ZBTB49: variants seen among roughly 807,000 people sequenced by gnomAD.
ZBTB49 encodes the protein zinc finger and BTB domain containing 49, also known as zinc finger and BTB domain-containing protein 49.
A neutral mutation model predicts 57.5 loss-of-function variants in ZBTB49; 43 were observed. That is an observed-to-expected ratio of 0.75 (90% CI 0.59 to 0.97). ZBTB49 has a LOEUF of 0.97. Among genes scored for constraint, ZBTB49 ranks in the 50% least tolerant of loss-of-function variants. ZBTB49 has a pLI of 0.00. For synonymous variants in ZBTB49, 369 were observed against 362.1 expected (o/e 1.02, Z -0.22); for missense variants, 938 against 947.7 (o/e 0.99, Z 0.13).
At chr4:4,303,170 G>A in intron 3 of ZBTB49, 79 bp downstream of exon 3, 2 of 1,430,728 alleles carry the variant, frequency 1.4e-6, no homozygotes, top group Admixed American at 2.6e-5. Flanking sequence ...TCTTGTTTTT[G>A]TAAGAAGTTT....
chr4:4,298,790 C>G (rs1720335524), intron 1 of ZBTB49, among the ~76,000 whole-genome samples: 1 of 152,178 alleles, frequency 6.6e-6, no homozygotes, highest in Admixed American at 6.5e-5. Context: ...AACTATTTCT[C>G]TTCCATAAAT....
intron 1 of ZBTB49, 26 bp from the exon 2 acceptor site, chr4:4,299,901 G>A (rs749108756): frequency 6.2e-7 from 1 of 1,607,160 alleles, no homozygotes; most frequent in Admixed American, 1.7e-5. Flanking sequence ...AAGAATATCT[G>A]TCGTATCTGT....
chr4:4,299,804 TGTGTGTGAGAGA>T lies in ZBTB49; in HGVS notation c.-19-121_-19-110del, dbSNP rs1413813108. The T allele has an allele frequency of 8.2e-5, 61 of 743,530 alleles. 1 individual carries two copies. The highest frequency in any genetic ancestry group is 8.0e-4 in the East Asian group (29 of 36,336). 46.1% of individuals were successfully genotyped at this position (743,530 alleles called of 1,614,324 possible). ...GTGTGTGTGTGTGTGTGTGTGTGTGTGTGTGTGAGAGAGAAACTGTGATGAGAGAGTGAAGCA... is the reference window on the plus strand; with the variant it reads ...GTGTGTGTGTGTGTGTGTGTGTGTGTGAAACTGTGATGAGAGAGTGAAGCA... On this transcript the variant is annotated intron_variant, in intron 1 of 7. Transcript: ENST00000337872.
chr4:4,297,923 C>T (rs1220567796), intron 1 of ZBTB49, among the ~76,000 whole-genome samples: 4 of 152,174 alleles, frequency 2.6e-5, no homozygotes, highest in Non-Finnish European at 4.4e-5. Flanking sequence ...ATCTGCAGTC[C>T]GCCTGCTCAG....
At chr4:4,308,045 A>G (rs1328304541) in intron 4 of ZBTB49, among the ~76,000 whole-genome samples, 1 of 152,082 alleles carries the variant, frequency 6.6e-6, no homozygotes, top group African/African-American at 2.4e-5. Context: ...TGATTCTGTG[A>G]TTTGGAGTGG....
At chr4:4,316,307 G>A (rs1207267434) in intron 7 of ZBTB49, among the ~76,000 whole-genome samples, 1 of 152,196 alleles carries the variant, frequency 6.6e-6, no homozygotes, top group Non-Finnish European at 1.5e-5. Context: ...GAGAGCAGCG[G>A]TCCCGCCAGA....
intron 3 of ZBTB49, among the ~76,000 whole-genome samples, chr4:4,303,760 CTGTGTGTG>C (rs1553805028): frequency 6.6e-5 from 8 of 121,410 alleles, no homozygotes; most frequent in African/African-American, 2.0e-4. Context: ...CTCTCTCTCT[CTGTGTGTG>C]TGTCTCTCTC....
intron 3 of ZBTB49, among the ~76,000 whole-genome samples, chr4:4,304,884 T>C (rs1720670386): frequency 6.6e-6 from 1 of 152,156 alleles, no homozygotes; most frequent in Non-Finnish European, 1.5e-5. Flanking sequence ...ATTTCCAGTA[T>C]GGTAGATATC....
chr4:4,292,422 G>A (rs1338291695), intron 1 of ZBTB49, among the ~76,000 whole-genome samples: 1 of 152,238 alleles, frequency 6.6e-6, no homozygotes, highest in Non-Finnish European at 1.5e-5. Flanking sequence ...TGGGCATTGT[G>A]TAAAGTTAAG....
intron 3 of ZBTB49, among the ~76,000 whole-genome samples, chr4:4,304,345 C>T (rs1720648763): frequency 1.3e-5 from 2 of 151,880 alleles, no homozygotes; most frequent in Non-Finnish European, 2.9e-5. Flanking sequence ...CCTGCCTGAG[C>T]CTCCCGAGTA....
intron 1 of ZBTB49, among the ~76,000 whole-genome samples, 147 bp from the exon 2 acceptor site, chr4:4,299,775 AGGTGT>A (rs1560106224): frequency 3.3e-5 from 4 of 119,454 alleles, no homozygotes; most frequent in Middle Eastern, 3.8e-3. Flanking sequence ...TCAGAAACAG[AGGTGT>A]GTGTGTGTGT....
intron 5 of ZBTB49, among the ~76,000 whole-genome samples, chr4:4,314,479 C>T (rs1307562929): frequency 6.6e-6 from 1 of 152,234 alleles, no homozygotes; most frequent in African/African-American, 2.4e-5. Context: ...TCAAGCGATT[C>T]TCCTGCCTCT....
intron 1 of ZBTB49, among the ~76,000 whole-genome samples, chr4:4,292,510 C>T (rs1214731114): frequency 6.6e-6 from 1 of 152,166 alleles, no homozygotes; most frequent in African/African-American, 2.4e-5. Context: ...ATTCCATCCT[C>T]GCGACAATCT....
At chr4:4,299,798 TGTGTGTGTGTGTGAGAGA>T in intron 1 of ZBTB49, 111 bp from the exon 2 acceptor site, 1 of 722,178 alleles carries the variant, frequency 1.4e-6, no homozygotes, top group East Asian at 2.8e-5. Context: ...TGTGTGTGTG[TGTGTGTGTGTGTGAGAGA>T]GAAACTGTGA....
chr4:4,311,494 T>A (rs1262158231), intron 4 of ZBTB49, among the ~76,000 whole-genome samples: 2 of 152,220 alleles, frequency 1.3e-5, no homozygotes, highest in Non-Finnish European at 2.9e-5. Flanking sequence ...CACTATTTCA[T>A]TCATAGAAAC....
intron 1 of ZBTB49, among the ~76,000 whole-genome samples, chr4:4,294,877 G>GTGTC (rs1270019866): frequency 3.5e-5 from 2 of 57,032 alleles, no homozygotes; most frequent in African/African-American, 1.0e-4. Flanking sequence ...GGTTTCGTGT[G>GTGTC]TGTGTGTGTG....
chr4:4,303,760 C>CTG (rs1553805028), intron 3 of ZBTB49, among the ~76,000 whole-genome samples: 5 of 121,324 alleles, frequency 4.1e-5, no homozygotes, highest in South Asian at 2.7e-4. Flanking sequence ...CTCTCTCTCT[C>CTG]TGTGTGTGTG....
chr4:4,303,112 A>G (rs1408965730), intron 3 of ZBTB49, 21 bp downstream of exon 3: 2 of 1,558,666 alleles, frequency 1.3e-6, no homozygotes, highest in Admixed American at 3.9e-5. Context: ...CAGTACCCAC[A>G]GGCAGAAGGG....
chr4:4,303,197 C>T, intron 3 of ZBTB49, 106 bp downstream of exon 3: 1 of 1,327,748 alleles, frequency 7.5e-7, no homozygotes, highest in Non-Finnish European at 1.0e-6. Context: ...TGTTTGATGT[C>T]ATTGATGATT....
Sources: gnomAD v4.1 joint callset for allele counts (sites outside exome capture counted in the v4.1 genomes callset) on GRCh38, gnomAD v4.1.1 for gene constraint, MANE v1.5 for transcripts, NCBI Gene and HGNC (gene_info 2026-07-23, HGNC 2026-07-21) for gene names.